The following PRMT8 variants were observed in gnomAD, a reference collection of about 807,000 sequenced individuals.
The protein encoded by PRMT8 is protein arginine N-methyltransferase 8.
Under a neutral mutation model 47.1 loss-of-function variants are expected in PRMT8, and 7 were observed. That is an observed-to-expected ratio of 0.15 (90% CI 0.08 to 0.28). PRMT8 has a LOEUF of 0.28. Ranked by LOEUF, PRMT8 falls within the 10% of genes least tolerant of loss-of-function variation. The pLI, the probability that PRMT8 is intolerant of heterozygous loss-of-function variation, is 1.00. For synonymous variants in PRMT8, 188 were observed against 186.5 expected, an observed-to-expected ratio of 1.01 and a Z score of -0.07; for missense variants, 237 against 505.4, an observed-to-expected ratio of 0.47 and a Z score of 5.09.
intron 1 of PRMT8, among the ~76,000 whole-genome samples, chr12:3,465,202 AT>A (rs1167529330): frequency 1.2e-4 from 18 of 144,744 alleles, no homozygotes; most frequent in East Asian, 3.9e-4. Flanking sequence ...ATATAAATAT[AT>A]TTTTATATAT....
intron 1 of PRMT8, among the ~76,000 whole-genome samples, chr12:3,413,335 T>G (rs1792360096): frequency 6.6e-6 from 1 of 152,216 alleles, no homozygotes; most frequent in South Asian, 2.1e-4. Context: ...GCCATGATGG[T>G]GAGGCCTCCC....
chr12:3,489,097 G>A (rs1865348391), upstream of PRMT8, among the ~76,000 whole-genome samples: 1 of 152,078 alleles, frequency 6.6e-6, no homozygotes, highest in Admixed American at 6.5e-5. Context: ...TGGATGGGTT[G>A]GGACAGAAAA....
At chr12:3,505,174 C>T (rs1466505291) in intron 1 of PRMT8, among the ~76,000 whole-genome samples, 16 of 152,010 alleles carry the variant, frequency 1.1e-4, no homozygotes, top group Non-Finnish European at 1.6e-4. Flanking sequence ...GCGTTGCTCA[C>T]GCTGGGAGCT....
chr12:3,419,322 C>A (rs746740304), intron 1 of PRMT8, among the ~76,000 whole-genome samples: 1 of 152,186 alleles, frequency 6.6e-6, no homozygotes, highest in Non-Finnish European at 1.5e-5. Context: ...CTGGCTACAG[C>A]CTTCAGCTGG....
Position 3,552,555 on chromosome 12 carries a change from G to A in PRMT8, c.418-1096G>A, listed in dbSNP as rs1392461831. ...CATGGCCAGAGGGGGAGAAGAAGAG[G>A]AGGGAATCACACCCCACAGACAGTG... On this transcript the variant is annotated intron_variant, in intron 3 of 9. Transcript: ENST00000382622. This position sits in a 1 kb window ranked among gnomAD's most constrained non-coding sequence, Gnocchi z 4.5. 6.0e-6 allele frequency: 2 copies of A among 332,390 alleles called. No homozygotes were observed. Among genetic ancestry groups the A allele is most frequent in the Admixed American group, 7.8e-5 (2 of 25,744 alleles). 20.6% of individuals were successfully genotyped at this position (332,390 alleles called of 1,614,324 possible).
intron 1 of PRMT8, among the ~76,000 whole-genome samples, chr12:3,401,147 CAAAAAAAA>C (rs34492092): frequency 2.2e-5 from 1 of 46,046 alleles, no homozygotes; most frequent in African/African-American, 8.6e-5. Flanking sequence ...AACTCCATCT[CAAAAAAAA>C]AAAAAAAAAA....
intron 7 of PRMT8, among the ~76,000 whole-genome samples, chr12:3,581,898 T>C (rs1423231468): frequency 6.6e-6 from 1 of 152,196 alleles, no homozygotes; most frequent in Non-Finnish European, 1.5e-5. Context: ...TGTTTTTCCT[T>C]TATTTATCCT....
At chr12:3,471,500 T>C (rs1351681078) in intron 1 of PRMT8, among the ~76,000 whole-genome samples, 1 of 151,906 alleles carries the variant, frequency 6.6e-6, no homozygotes, top group African/African-American at 2.4e-5. Flanking sequence ...ACTCTGGGTC[T>C]TCAGGGCTCC....
At chr12:3,426,496 G>A (rs1369196313) in intron 1 of PRMT8, among the ~76,000 whole-genome samples, 1 of 152,142 alleles carries the variant, frequency 6.6e-6, no homozygotes, top group East Asian at 1.9e-4. Context: ...AAATCTCCCT[G>A]GATTAAATGG....
chr12:3,446,491 G>A (rs1864856688), intron 1 of PRMT8, among the ~76,000 whole-genome samples: 1 of 152,150 alleles, frequency 6.6e-6, no homozygotes. Context: ...AACACCAGCC[G>A]AGGTTGCCAC....
Position 3,568,865 on chromosome 12 carries a change from C to T in PRMT8, c.624+17C>T, listed in dbSNP as rs1234948809. The T allele has an allele frequency of 3.1e-6, 5 of 1,613,672 alleles. No homozygotes were observed. The highest frequency in any genetic ancestry group is 4.2e-6 in the Non-Finnish European group (5 of 1,179,838). ...AAGTGGCTGGTAAGTGTCCTGCATGCTGTCCCCGCGTTGGCCGGCTGGCTG... is the reference window on the plus strand; with the variant it reads ...AAGTGGCTGGTAAGTGTCCTGCATGTTGTCCCCGCGTTGGCCGGCTGGCTG... On this transcript the variant is annotated intron_variant, in intron 5 of 9. Coordinates refer to ENST00000382622, the MANE Select transcript of PRMT8 (RefSeq NM_019854.5).
At chr12:3,534,225 A>T (rs750072166) in intron 1 of PRMT8, among the ~76,000 whole-genome samples, 6 of 152,248 alleles carry the variant, frequency 3.9e-5, no homozygotes, top group African/African-American at 1.4e-4. Flanking sequence ...CTCTCTTGAC[A>T]TTTGGAGAAC....
rs909418009 is a variant in PRMT8, at chr12:3,553,801, G to A, written c.481+87G>A. 6 of 1,272,366 alleles carry A rather than the reference G, an allele frequency of 4.7e-6. No individual in the cohort carries two copies. In the African/African-American group the frequency reaches 7.3e-5, roughly 16 times the overall value. 78.8% of individuals were successfully genotyped at this position (1,272,366 alleles called of 1,614,324 possible). On this transcript the variant is annotated intron_variant, in intron 4 of 9. Coordinates refer to ENST00000382622, the MANE Select transcript of PRMT8 (RefSeq NM_019854.5). ...GTTGGGATGGCATAGCGGGAGGAGCGCAGAGCACTTGGACTTGGGGAGGTG... is the reference window on the plus strand; with the variant it reads ...GTTGGGATGGCATAGCGGGAGGAGCACAGAGCACTTGGACTTGGGGAGGTG...
intron 1 of PRMT8, among the ~76,000 whole-genome samples, chr12:3,392,160 C>T (rs890621997): frequency 1.3e-5 from 2 of 152,082 alleles, no homozygotes; most frequent in East Asian, 1.9e-4. Context: ...ATCACTTACA[C>T]GTCAAGCTAA....
intron 1 of PRMT8, among the ~76,000 whole-genome samples, chr12:3,442,223 T>C (rs1397106650): frequency 6.6e-6 from 1 of 152,222 alleles, no homozygotes; most frequent in Non-Finnish European, 1.5e-5. Flanking sequence ...ACAAGATGTT[T>C]TGCAACTCAG....
chr12:3,496,738 A>G (rs1865515610), intron 1 of PRMT8, among the ~76,000 whole-genome samples: 1 of 152,182 alleles, frequency 6.6e-6, no homozygotes, highest in Non-Finnish European at 1.5e-5. Context: ...TATGATTATT[A>G]TCCTGCTAGC....
Position 3,569,337 on chromosome 12 carries a change from C to T in PRMT8, c.625-140C>T. ...TGAGCACTGCTGTCCTAGCCCTCAC[C>T]CCAGACAAGGTGACAGTCCACTGCA... On this transcript the variant is annotated intron_variant, in intron 5 of 9. Coordinates refer to ENST00000382622, the MANE Select transcript of PRMT8 (RefSeq NM_019854.5). The surrounding 1 kb of genome is among the most constrained non-coding windows in gnomAD (Gnocchi z 8.2). The T allele has an allele frequency of 2.6e-6, 2 of 764,918 alleles. No homozygotes were observed. The highest frequency in any genetic ancestry group is 4.7e-6 in the Non-Finnish European group (2 of 429,742). 47.4% of individuals were successfully genotyped at this position (764,918 alleles called of 1,614,324 possible). A position where few individuals can be genotyped will look rare whatever the true frequency, so the allele number is the denominator to read the frequency against.
Position 3,540,613 on chromosome 12 carries a change from G to GGCC in PRMT8, c.83_84insGCC (p.Ser28delinsArgPro). Reference sequence around the variant, plus strand: ...CCCTTCTCTTCCCCTCAGGTGAACAGCCCCCCCTCCCAGCCCCCCCAGCCC... The same window carrying GGCC: ...CCCTTCTCTTCCCCTCAGGTGAACAGGCCCCCCCCCTCCCAGCCCCCCCAGCCC... On this transcript the variant is annotated protein_altering_variant, in exon 2 of 10. Transcript: ENST00000382622. 34 of 1,130,498 alleles carry GGCC rather than the reference G, an allele frequency of 3.0e-5. No homozygotes were observed. Among genetic ancestry groups the GGCC allele is most frequent in the Non-Finnish European group, 3.3e-5 (25 of 752,472 alleles). 70.0% of individuals were successfully genotyped at this position (1,130,498 alleles called of 1,614,324 possible).
At position 3,524,053 on chromosome 12, in the gene PRMT8, CG is replaced by C. The variant is rs1427161081; in HGVS notation, c.76-16551del. ...GTAACCTGTTAGTATCCAATTGCAC[CG>C]GAACTTGTGCCTTACTTAGTTCAAC... On this transcript the variant is annotated intron_variant, in intron 1 of 9. Transcript: ENST00000382622. Among the ~76,000 whole-genome samples the C allele has an allele frequency of 3.3e-5, 5 of 152,246 alleles. No individual in the cohort carries two copies. In the East Asian group the frequency reaches 9.7e-4, roughly 29 times the overall value.
Sources: gnomAD v4.1 joint callset for allele counts (sites outside exome capture counted in the v4.1 genomes callset) on GRCh38, gnomAD v4.1.1 for gene constraint, Gnocchi (gnomAD v3.1) non-coding constraint, MANE v1.5 for transcripts, NCBI Gene and HGNC (gene_info 2026-07-23, HGNC 2026-07-21) for gene names.